NPAS3: variants seen among roughly 807,000 people sequenced by gnomAD.
The protein encoded by NPAS3 is neuronal PAS domain protein 3.
NPAS3 carries 14 observed loss-of-function variants against 73.1 expected under a neutral mutation model. The observed-to-expected ratio is 0.19, with a 90% CI of 0.13 to 0.30. The LOEUF (loss-of-function observed/expected upper bound fraction) is 0.30. Among genes scored for constraint, NPAS3 ranks in the 10% least tolerant of loss-of-function variants. NPAS3 has a pLI of 1.00. For synonymous variants in NPAS3, 620 were observed against 541.5 expected, an observed-to-expected ratio of 1.14 and a Z score of -2.01; for missense variants, 1,096 against 1,250.0, an observed-to-expected ratio of 0.88 and a Z score of 1.86.
chr14:33,348,653 C>A (rs909680885), intron 3 of NPAS3, among the ~76,000 whole-genome samples: 1 of 152,280 alleles, frequency 6.6e-6, no homozygotes, highest in Non-Finnish European at 1.5e-5. Context: ...AATTCTACTA[C>A]AAAAGCTCCT....
intron 1 of NPAS3, among the ~76,000 whole-genome samples, chr14:33,045,696 T>G (rs1222769608): frequency 1.3e-5 from 2 of 152,212 alleles, no homozygotes; most frequent in Non-Finnish European, 2.9e-5. Flanking sequence ...CAGTTCTAAT[T>G]TGAGTTGATG....
At chr14:33,450,165 C>A (rs2049724509) in intron 4 of NPAS3, among the ~76,000 whole-genome samples, 1 of 152,204 alleles carries the variant, frequency 6.6e-6, no homozygotes, top group South Asian at 2.1e-4. Flanking sequence ...TAAAGGACAG[C>A]TGGCTGCTCT....
Position 33,117,534 on chromosome 14 carries a change from C to T in NPAS3, c.140+61540C>T, listed in dbSNP as rs1004017711. Among the ~76,000 whole-genome samples the T allele has an allele frequency of 3.9e-5, 6 of 152,004 alleles. No homozygotes were observed. In the East Asian group the frequency reaches 7.8e-4, roughly 20 times the overall value. ...GTGTTAATGGTGTGTCTTGCTATGGCGATTTAGGTTTGATTGTATTGCAGA... is the reference window on the plus strand; with the variant it reads ...GTGTTAATGGTGTGTCTTGCTATGGTGATTTAGGTTTGATTGTATTGCAGA... On this transcript the variant is annotated intron_variant, in intron 2 of 11. Transcript: ENST00000356141.
At chr14:33,761,622 G>T (rs17101858) in intron 7 of NPAS3, among the ~76,000 whole-genome samples, 7 of 152,144 alleles carry the variant, frequency 4.6e-5, no homozygotes, top group African/African-American at 1.4e-4. Context: ...TAAAGTCAGC[G>T]TTGGTCACAA....
At chr14:33,269,655 A>C (rs1466304334) in intron 3 of NPAS3, among the ~76,000 whole-genome samples, 1 of 152,210 alleles carries the variant, frequency 6.6e-6, no homozygotes, top group Non-Finnish European at 1.5e-5. Context: ...GAATGAATTA[A>C]GACAAAGAGG....
intron 4 of NPAS3, among the ~76,000 whole-genome samples, chr14:33,532,043 C>T (rs562744444): frequency 6.6e-6 from 1 of 152,190 alleles, no homozygotes; most frequent in South Asian, 2.1e-4. Context: ...TTTATCTGTG[C>T]AAATGTTAGG....
intron 2 of NPAS3, among the ~76,000 whole-genome samples, chr14:33,121,567 A>T (rs775784549): frequency 7.9e-5 from 12 of 152,156 alleles, no homozygotes; most frequent in Non-Finnish European, 1.5e-4. Flanking sequence ...CAGATTGTTT[A>T]AAAGGACACC....
chr14:33,267,713 A>G (rs1299441728), intron 3 of NPAS3, among the ~76,000 whole-genome samples: 2 of 152,252 alleles, frequency 1.3e-5, no homozygotes, highest in Non-Finnish European at 2.9e-5. Flanking sequence ...TTATATTTAA[A>G]TCACTGACTA....
chr14:33,145,193 C>G lies in NPAS3; in HGVS notation c.141-69989C>G, dbSNP rs528681299. 1.3e-4 allele frequency among the ~76,000 whole-genome samples: 20 copies of G among 152,262 alleles called. 1 individual carries two copies. In the South Asian group the frequency reaches 4.1e-3, roughly 32 times the overall value. ...GGGCCTTGTATTGAAAACCTTTACC[C>G]AGAGTATGTATATATGAACGTGTAT... On this transcript the variant is annotated intron_variant, in intron 2 of 11. Transcript: ENST00000356141.
At chr14:33,137,150 G>A (rs2043870882) in intron 2 of NPAS3, among the ~76,000 whole-genome samples, 1 of 152,188 alleles carries the variant, frequency 6.6e-6, no homozygotes, top group Non-Finnish European at 1.5e-5. Context: ...AGATGCTAAA[G>A]TAGCACATTA....
chr14:33,001,050 G>A (rs1277173746), intron 1 of NPAS3, among the ~76,000 whole-genome samples: 1 of 152,156 alleles, frequency 6.6e-6, no homozygotes, highest in South Asian at 2.1e-4. Context: ...GCCAAGTATC[G>A]GTGACTTAAT....
At chr14:33,476,052 C>CA (rs2051019588) in intron 4 of NPAS3, among the ~76,000 whole-genome samples, 1 of 152,172 alleles carries the variant, frequency 6.6e-6, no homozygotes, top group Admixed American at 6.6e-5. Context: ...TACAGACTCC[C>CA]TAAAAGGCAC....
In NPAS3 at chr14:33,215,432, T is replaced by G. The variant is rs1281893531; in HGVS notation, c.385+6T>G. On this transcript the variant is annotated splice_donor_region_variant and intron_variant, in intron 3 of 11. Transcript: ENST00000356141. ...ACCTAACACATCAGTAAAAGGTAAG[T>G]TTTAGGTCACTGTTCAGTCTGAATA... The G allele has an allele frequency of 6.2e-7, 1 of 1,613,572 alleles. No homozygotes were observed. The highest frequency in any genetic ancestry group is 8.5e-7 in the Non-Finnish European group (1 of 1,179,822).
intron 4 of NPAS3, among the ~76,000 whole-genome samples, chr14:33,520,217 G>A (rs761138013): frequency 3.3e-5 from 5 of 152,118 alleles, no homozygotes; most frequent in African/African-American, 4.8e-5. Context: ...GAAGGAGTGA[G>A]TGTTTCTCCG....
chr14:33,790,749 A>G lies in NPAS3; in HGVS notation c.1154-3148A>G, dbSNP rs2048172559. Among the ~76,000 whole-genome samples the G allele has an allele frequency of 2.0e-5, 3 of 152,028 alleles. No individual in the cohort carries two copies. The South Asian group carries it at 6.2e-4, about 32-fold the overall frequency. ...AGTGGTGCAATCTCAGCTCACCGCAACCTCCGCCTCCCAGGCTCAAGCGAT... is the reference window on the plus strand; with the variant it reads ...AGTGGTGCAATCTCAGCTCACCGCAGCCTCCGCCTCCCAGGCTCAAGCGAT... On this transcript the variant is annotated intron_variant, in intron 9 of 11. Coordinates refer to ENST00000356141, the Ensembl canonical transcript of NPAS3.
At chr14:33,790,920 T>C (rs1424722591) in intron 9 of NPAS3, among the ~76,000 whole-genome samples, 1 of 152,210 alleles carries the variant, frequency 6.6e-6, no homozygotes, top group East Asian at 1.9e-4. Flanking sequence ...CCATCCACCT[T>C]GGCCTCCCAA....
At chr14:32,968,742 G>A (rs901521070) in intron 1 of NPAS3, among the ~76,000 whole-genome samples, 11 of 151,192 alleles carry the variant, frequency 7.3e-5, no homozygotes, top group Admixed American at 2.0e-4. Flanking sequence ...GGAGTCAAAC[G>A]CTGGGGCCAG....
chr14:33,192,914 T>G (rs1032613917), intron 2 of NPAS3, among the ~76,000 whole-genome samples: 5 of 152,198 alleles, frequency 3.3e-5, no homozygotes, highest in Non-Finnish European at 7.3e-5. Flanking sequence ...TGTTTTACAT[T>G]TTAGCTTACT....
intron 1 of NPAS3, among the ~76,000 whole-genome samples, chr14:32,958,887 T>C (rs907173547): frequency 6.6e-6 from 1 of 152,222 alleles, no homozygotes; most frequent in Admixed American, 6.5e-5. Flanking sequence ...ATGGTGGTAG[T>C]ATTATTTTGC....
Sources: allele counts gnomAD v4.1 joint callset (sites outside exome capture counted in the v4.1 genomes callset), GRCh38; gene constraint gnomAD v4.1.1; transcripts MANE v1.5; gene names NCBI Gene and HGNC (gene_info 2026-07-23, HGNC 2026-07-21).